Variants in TMPRSS12 observed in about 807,000 individuals in gnomAD.
TMPRSS12 encodes transmembrane protease serine 12.
A neutral mutation model predicts 26.0 loss-of-function variants in TMPRSS12; 25 were observed. The ratio of observed to expected loss-of-function variants is 0.96; its 90% CI spans 0.70 to 1.34. The LOEUF is 1.34. TMPRSS12 is among the 40% of genes most tolerant of loss of function. The probability of loss-of-function intolerance (pLI) is 0.00; values close to 1 mark genes in which losing one functional copy is unlikely to be tolerated. For missense variants in TMPRSS12, 441 were observed against 440.1 expected, an observed-to-expected ratio of 1.00 and a Z score of -0.02; for synonymous variants, 150 against 161.7, an observed-to-expected ratio of 0.93 and a Z score of 0.55.
intron 3 of TMPRSS12, among the ~76,000 whole-genome samples, chr12:50,870,062 G>GAAAAAATAAAAA (rs1565934972): frequency 6.6e-6 from 1 of 151,272 alleles, no homozygotes; most frequent in Non-Finnish European, 1.5e-5. Flanking sequence ...CAGCCTGGGC[G>GAAAAAATAAAAA]ACAGAGGGAG....
Position 50,843,017 on chromosome 12 carries a change from T to TA in TMPRSS12, c.54dup (p.Tyr19IlefsTer22), listed in dbSNP as rs1565929025. 6 of 1,607,532 alleles carry TA rather than the reference T, an allele frequency of 3.7e-6. No homozygotes were observed. Among genetic ancestry groups the TA allele is most frequent in the Non-Finnish European group, 5.1e-6 (6 of 1,177,272 alleles). On this transcript the variant is annotated frameshift_variant, in exon 1 of 5. Coordinates refer to ENST00000398458, the MANE Select transcript of TMPRSS12 (RefSeq NM_182559.3). LOFTEE classifies it high-confidence loss of function. ...CTGTTGTTTGTGGGGAGCTCTCACT[T>TA]ATACTCAGACCACTACTCGCCCTCT...
In TMPRSS12 at chr12:50,845,315, T is replaced by G. The variant is rs1044026656; in HGVS notation, c.383+1278T>G. On this transcript the variant is annotated intron_variant, in intron 2 of 4. Transcript: ENST00000398458. ...CTTGAAATTATCTCTTTTCTTGATT[T>G]CTAAGACACCATTCTCTACTTTTTT... Among the ~76,000 whole-genome samples, 8 of 152,208 alleles carry G rather than the reference T, an allele frequency of 5.3e-5. No individual in the cohort carries two copies. In the East Asian group the frequency reaches 1.5e-3, roughly 29 times the overall value.
chr12:50,850,004 TG>T (rs561066589), intron 2 of TMPRSS12, among the ~76,000 whole-genome samples: 200 of 152,274 alleles, frequency 1.3e-3, no homozygotes, highest in Admixed American at 3.8e-3. Context: ...TCATATGGTA[TG>T]GAGCCTTATG....
intron 3 of TMPRSS12, among the ~76,000 whole-genome samples, chr12:50,876,506 C>A (rs1168506034): frequency 1.3e-5 from 2 of 152,152 alleles, no homozygotes; most frequent in African/African-American, 2.4e-5. Context: ...AGGTGCCCAT[C>A]AACAATAGAC....
intron 3 of TMPRSS12, among the ~76,000 whole-genome samples, chr12:50,862,806 C>T (rs1207396568): frequency 6.6e-6 from 1 of 151,900 alleles, no homozygotes; most frequent in East Asian, 1.9e-4. Flanking sequence ...GGACTACAGG[C>T]GTGAGCCCCT....
intron 3 of TMPRSS12, among the ~76,000 whole-genome samples, chr12:50,871,638 G>A (rs1332264253): frequency 2.0e-5 from 3 of 152,142 alleles, no homozygotes; most frequent in South Asian, 4.1e-4. Flanking sequence ...GGAACAGTCA[G>A]CAGAGTAAAC....
intron 2 of TMPRSS12, 22 bp from the exon 3 acceptor site, chr12:50,858,763 A>G: frequency 4.7e-6 from 7 of 1,475,474 alleles, no homozygotes; most frequent in Non-Finnish European, 6.3e-6. Flanking sequence ...TATTTATAAT[A>G]AGAATGTTTA....
chr12:50,862,529 AT>A (rs200314074), intron 3 of TMPRSS12, among the ~76,000 whole-genome samples: 3,864 of 146,356 alleles, frequency 0.026, 220 homozygotes, highest in East Asian at 0.19. Flanking sequence ...CCAGCATATA[AT>A]TTTTTTTTTT....
At position 50,855,964 on chromosome 12, in the gene TMPRSS12, C is replaced by G. The variant is rs148938660; in HGVS notation, c.384-2821C>G. Among the ~76,000 whole-genome samples the G allele has an allele frequency of 4.7e-3, 722 of 152,144 alleles. 4 individuals are homozygous for G. The highest frequency in any genetic ancestry group is 8.3e-3 in the Non-Finnish European group (565 of 67,996). On this transcript the variant is annotated intron_variant, in intron 2 of 4. Transcript: ENST00000398458. ...GTAAATTAATACAGGAACAGAAAAC[C>G]GAATATTACATGTTGTTATCTCTCA...
intron 3 of TMPRSS12, among the ~76,000 whole-genome samples, chr12:50,883,368 G>T (rs1192065044): frequency 6.6e-6 from 1 of 152,152 alleles, no homozygotes; most frequent in Non-Finnish European, 1.5e-5. Context: ...ACCAAATTAG[G>T]TTTATCTCAG....
chr12:50,883,328 G>A (rs931147913), intron 3 of TMPRSS12, among the ~76,000 whole-genome samples: 7 of 152,060 alleles, frequency 4.6e-5, no homozygotes, highest in South Asian at 4.1e-4. Flanking sequence ...AGAGCAGGAC[G>A]CTGACTCAAA....
intron 3 of TMPRSS12, among the ~76,000 whole-genome samples, chr12:50,882,741 A>G (rs970426904): frequency 1.3e-5 from 2 of 152,268 alleles, no homozygotes; most frequent in African/African-American, 4.8e-5. Flanking sequence ...AATCCTCTAT[A>G]GTCCTATAGA....
intron 3 of TMPRSS12, among the ~76,000 whole-genome samples, chr12:50,868,896 T>A (rs1299553451): frequency 1.3e-5 from 2 of 152,206 alleles, no homozygotes; most frequent in South Asian, 2.1e-4. Context: ...TCCTGAATAA[T>A]CATTGGGTCA....
In TMPRSS12 at chr12:50,843,003, G is replaced by T. The variant is rs753888568; in HGVS notation, c.39G>T (p.Val13=). The change falls in exon 1 of 5, where the codon GTG becomes GTT. Residue 13 remains valine (V), a synonymous_variant. Transcript: ENST00000398458. ...TCCTGAGCGTGGCGCTGTTGTTTGT[G>T]GGGAGCTCTCACTTATACTCAGACC... ...LGLLSVALLF[V]GSSHLYSDHY... 1 of 1,604,590 alleles carries T rather than the reference G, an allele frequency of 6.2e-7. No individual in the cohort carries two copies. The highest frequency in any genetic ancestry group is 8.5e-7 in the Non-Finnish European group (1 of 1,175,784).
At chr12:50,850,408 G>A (rs1219446353) in intron 2 of TMPRSS12, among the ~76,000 whole-genome samples, 2 of 152,080 alleles carry the variant, frequency 1.3e-5, no homozygotes, top group African/African-American at 4.8e-5. Flanking sequence ...GCGAGACCCT[G>A]TCTCTACAAA....
chr12:50,845,485 T>G (rs1937759174), intron 2 of TMPRSS12, among the ~76,000 whole-genome samples: 1 of 152,256 alleles, frequency 6.6e-6, no homozygotes, highest in African/African-American at 2.4e-5. Flanking sequence ...TGTCAACTCC[T>G]AGGTCTCTCC....
chr12:50,844,247 C>T (rs983719716), intron 2 of TMPRSS12, among the ~76,000 whole-genome samples: 2 of 151,996 alleles, frequency 1.3e-5, no homozygotes, highest in Non-Finnish European at 2.9e-5. Context: ...GCAGAACGTG[C>T]AGGTTTGTTA....
At chr12:50,865,300 C>A (rs1409877271) in intron 3 of TMPRSS12, among the ~76,000 whole-genome samples, 1 of 152,186 alleles carries the variant, frequency 6.6e-6, no homozygotes, top group Admixed American at 6.5e-5. Flanking sequence ...TCTTTGCACT[C>A]CAGCCTGGGC....
chr12:50,873,333 T>C (rs760591602), intron 3 of TMPRSS12, among the ~76,000 whole-genome samples: 1 of 151,816 alleles, frequency 6.6e-6, no homozygotes, highest in East Asian at 1.9e-4. Context: ...CAATAACCTA[T>C]GGAAAAATAA....
Sources: allele counts gnomAD v4.1 joint callset (sites outside exome capture counted in the v4.1 genomes callset), GRCh38; gene constraint gnomAD v4.1.1; transcripts MANE v1.5; gene names NCBI Gene and HGNC (gene_info 2026-07-23, HGNC 2026-07-21).